Variants in UNC5D observed in about 807,000 individuals in gnomAD.
The protein encoded by UNC5D is unc-5 netrin receptor D.
A neutral mutation model predicts 105.4 loss-of-function variants in UNC5D; 39 were observed. That is an observed-to-expected ratio of 0.37 (90% CI 0.29 to 0.48). UNC5D has a LOEUF of 0.48. UNC5D is among the 20% of genes least tolerant of loss of function. UNC5D has a pLI of 0.98. For missense variants in UNC5D, 991 were observed against 1,202.4 expected (o/e 0.82, Z 2.60); for synonymous variants, 452 against 450.4 (o/e 1.00, Z -0.04).
intron 1 of UNC5D, among the ~76,000 whole-genome samples, chr8:35,291,863 A>T (rs1423799553): frequency 6.6e-6 from 1 of 152,214 alleles, no homozygotes; most frequent in Admixed American, 6.5e-5. Context: ...TTTGATATAA[A>T]ACCAATTTAT....
At chr8:35,331,506 C>T (rs180707003) in intron 1 of UNC5D, among the ~76,000 whole-genome samples, 21 of 152,242 alleles carry the variant, frequency 1.4e-4, no homozygotes, top group Non-Finnish European at 2.1e-4. Flanking sequence ...TTAGCCTCCT[C>T]GCCTGTATCA....
At chr8:35,553,664 A>G (rs1816328209) in intron 2 of UNC5D, among the ~76,000 whole-genome samples, 1 of 152,232 alleles carries the variant, frequency 6.6e-6, no homozygotes, top group African/African-American at 2.4e-5. Flanking sequence ...TATTAATAGT[A>G]GAATTGTGGA....
chr8:35,440,863 C>T (rs1585849684), intron 1 of UNC5D, among the ~76,000 whole-genome samples: 1 of 152,088 alleles, frequency 6.6e-6, no homozygotes, highest in South Asian at 2.1e-4. Flanking sequence ...TGTTTTCATA[C>T]ATACCGATCA....
At chr8:35,749,789 T>C (rs747748195) in intron 12 of UNC5D, among the ~76,000 whole-genome samples, 5 of 152,190 alleles carry the variant, frequency 3.3e-5, no homozygotes, top group Non-Finnish European at 5.9e-5. Context: ...ACACAGATGG[T>C]GTTATATTTA....
chr8:35,614,548 G>A (rs938280900), intron 4 of UNC5D, among the ~76,000 whole-genome samples: 4 of 151,492 alleles, frequency 2.6e-5, no homozygotes, highest in African/African-American at 9.7e-5. Flanking sequence ...TATTATAATA[G>A]AAAACTAATA....
At chr8:35,376,430 C>T (rs537260298) in intron 1 of UNC5D, among the ~76,000 whole-genome samples, 1 of 152,174 alleles carries the variant, frequency 6.6e-6, no homozygotes, top group Admixed American at 6.5e-5. Flanking sequence ...ACCCCGGACC[C>T]AGGGGTGAGT....
At chr8:35,257,859 TAA>T (rs1323387566) in intron 1 of UNC5D, among the ~76,000 whole-genome samples, 1 of 152,296 alleles carries the variant, frequency 6.6e-6, no homozygotes, top group East Asian at 1.9e-4. Flanking sequence ...AAAATAAAAG[TAA>T]AAGTGATTAA....
chr8:35,407,359 C>G (rs1344068050), intron 1 of UNC5D, among the ~76,000 whole-genome samples: 2 of 151,784 alleles, frequency 1.3e-5, no homozygotes, highest in African/African-American at 4.8e-5. Flanking sequence ...AAAAAAAACA[C>G]TTGATAGTAA....
chr8:35,432,070 G>C (rs1176016030), intron 1 of UNC5D, among the ~76,000 whole-genome samples: 1 of 152,048 alleles, frequency 6.6e-6, no homozygotes, highest in Non-Finnish European at 1.5e-5. Flanking sequence ...TATGGCCTCT[G>C]GAGTCAGTAT....
chr8:35,236,591 C>T (rs1316971566), intron 1 of UNC5D, among the ~76,000 whole-genome samples: 2 of 152,222 alleles, frequency 1.3e-5, no homozygotes, highest in Admixed American at 1.3e-4. Flanking sequence ...CCCCACCGAG[C>T]CGCAGGGAAA....
chr8:35,534,225 G>GT (rs1814662158), intron 1 of UNC5D, among the ~76,000 whole-genome samples: 3 of 152,188 alleles, frequency 2.0e-5, no homozygotes, highest in African/African-American at 4.8e-5. Context: ...TATATCTAGA[G>GT]TTTTTTTGAT....
chr8:35,403,222 A>C (rs1380537024), intron 1 of UNC5D, among the ~76,000 whole-genome samples: 2 of 152,190 alleles, frequency 1.3e-5, no homozygotes, highest in Non-Finnish European at 2.9e-5. Flanking sequence ...ACCCTATGTC[A>C]CTGTGTCACA....
At chr8:35,692,690 A>C (rs1230665462) in intron 7 of UNC5D, among the ~76,000 whole-genome samples, 1 of 152,232 alleles carries the variant, frequency 6.6e-6, no homozygotes, top group Non-Finnish European at 1.5e-5. Flanking sequence ...GCTTAATGAT[A>C]GCGTAGTTAA....
At chr8:35,410,086 C>G (rs1323656405) in intron 1 of UNC5D, among the ~76,000 whole-genome samples, 1 of 151,966 alleles carries the variant, frequency 6.6e-6, no homozygotes, top group Admixed American at 6.6e-5. Context: ...TGGGAACTCT[C>G]CACTTTACGT....
At chr8:35,248,278 A>G (rs1283206200) in intron 1 of UNC5D, among the ~76,000 whole-genome samples, 1 of 112,724 alleles carries the variant, frequency 8.9e-6, no homozygotes, top group Non-Finnish European at 1.6e-5. Flanking sequence ...AATATATAAT[A>G]TATAAATATA....
chr8:35,676,904 G>GTT (rs140725804), intron 4 of UNC5D, among the ~76,000 whole-genome samples: 27 of 149,186 alleles, frequency 1.8e-4, no homozygotes, highest in African/African-American at 2.9e-4. Context: ...TCATGAATAT[G>GTT]TTTTTTTTTT....
chr8:35,323,206 T>TTC (rs1809885924), intron 1 of UNC5D, among the ~76,000 whole-genome samples: 1 of 141,160 alleles, frequency 7.1e-6, no homozygotes, highest in African/African-American at 2.5e-5. Flanking sequence ...TTTTTTTTTT[T>TTC]TCACATGAAT....
intron 1 of UNC5D, among the ~76,000 whole-genome samples, chr8:35,313,127 T>C (rs1809023473): frequency 6.6e-6 from 1 of 152,200 alleles, no homozygotes; most frequent in Non-Finnish European, 1.5e-5. Flanking sequence ...ATTTATTTTA[T>C]TAGAGTTTAC....
chr8:35,274,355 G>A (rs755201911), intron 1 of UNC5D, among the ~76,000 whole-genome samples: 4 of 152,128 alleles, frequency 2.6e-5, no homozygotes, highest in South Asian at 4.1e-4. Context: ...TCAGCATAGC[G>A]GCACTCGTGT....
Sources: gnomAD v4.1 joint callset for allele counts (sites outside exome capture counted in the v4.1 genomes callset) on GRCh38, gnomAD v4.1.1 for gene constraint, MANE v1.5 for transcripts, NCBI Gene and HGNC (gene_info 2026-07-23, HGNC 2026-07-21) for gene names.